WWOX: variants seen among roughly 807,000 people sequenced by gnomAD.
WWOX encodes the protein WW domain containing oxidoreductase.
WWOX carries 69 observed loss-of-function variants against 46.2 expected under a neutral mutation model. The ratio of observed to expected loss-of-function variants is 1.49; its 90% CI spans 1.23 to 1.82. WWOX has a LOEUF of 1.82. WWOX is among the 40% of genes most tolerant of loss of function. The probability of loss-of-function intolerance (pLI) is 0.00; values close to 1 mark genes in which losing one functional copy is unlikely to be tolerated. For synonymous variants in WWOX, 359 were observed against 202.6 expected, an observed-to-expected ratio of 1.77 and a Z score of -6.56; for missense variants, 919 against 542.6, an observed-to-expected ratio of 1.69 and a Z score of -6.89.
intron 5 of WWOX, among the ~76,000 whole-genome samples, chr16:78,263,467 A>G (rs114138394): frequency 0.03 from 4,505 of 152,258 alleles, 81 homozygotes; most frequent in African/African-American, 0.051. Flanking sequence ...AGAAGGGGAT[A>G]TAAGTGCAGG....
chr16:78,335,263 T>C (rs2080862074), intron 5 of WWOX, among the ~76,000 whole-genome samples: 3 of 152,220 alleles, frequency 2.0e-5, no homozygotes, highest in African/African-American at 7.2e-5. Context: ...CCATTAGCTG[T>C]TGTTGCTGAT....
chr16:78,424,273 A>G (rs2083025053), intron 6 of WWOX, among the ~76,000 whole-genome samples: 3 of 150,792 alleles, frequency 2.0e-5, no homozygotes, highest in Admixed American at 6.6e-5. Flanking sequence ...ATATACCACC[A>G]CACCTGGCTA....
chr16:78,780,688 G>C (rs1450326086), intron 8 of WWOX, among the ~76,000 whole-genome samples: 1 of 152,162 alleles, frequency 6.6e-6, no homozygotes, highest in Non-Finnish European at 1.5e-5. Context: ...GGGGAGAACA[G>C]TCTAGGCAAG....
At chr16:78,974,265 C>T (rs538816926) in intron 8 of WWOX, among the ~76,000 whole-genome samples, 7 of 152,256 alleles carry the variant, frequency 4.6e-5, no homozygotes, top group South Asian at 2.1e-4. Context: ...CTCTAATGAC[C>T]GCACAGCACA....
At chr16:78,358,459 A>G (rs2081341877) in intron 5 of WWOX, among the ~76,000 whole-genome samples, 1 of 152,154 alleles carries the variant, frequency 6.6e-6, no homozygotes, top group Admixed American at 6.5e-5. Context: ...GGAGTTTGAG[A>G]CCAGCCTGGC....
At chr16:78,710,711 C>G (rs1232827046) in intron 8 of WWOX, among the ~76,000 whole-genome samples, 1 of 151,050 alleles carries the variant, frequency 6.6e-6, no homozygotes, top group African/African-American at 2.4e-5. Context: ...ACCTCCTGGG[C>G]TCAACTGATT....
At chr16:78,721,772 A>T (rs544708448) in intron 8 of WWOX, among the ~76,000 whole-genome samples, 4 of 152,222 alleles carry the variant, frequency 2.6e-5, no homozygotes, top group Non-Finnish European at 5.9e-5. Context: ...AGGGCCAGGT[A>T]CATAGCAGGT....
intron 8 of WWOX, among the ~76,000 whole-genome samples, chr16:78,666,255 C>T (rs1597415727): frequency 6.6e-6 from 1 of 152,056 alleles, no homozygotes; most frequent in African/African-American, 2.4e-5. Flanking sequence ...TGCCACTGCA[C>T]TCTAGCCTGG....
intron 5 of WWOX, among the ~76,000 whole-genome samples, chr16:78,362,514 C>G (rs937042690): frequency 6.6e-6 from 1 of 152,042 alleles, no homozygotes; most frequent in Non-Finnish European, 1.5e-5. Flanking sequence ...GAGGCTGAGG[C>G]AGCAGAATTG....
intron 8 of WWOX, among the ~76,000 whole-genome samples, chr16:78,752,957 C>A (rs1597549821): frequency 6.6e-6 from 1 of 152,164 alleles, no homozygotes; most frequent in Non-Finnish European, 1.5e-5. Context: ...TAATTCTAGG[C>A]CGTTTGTCTG....
chr16:78,850,937 C>G (rs1050976549), intron 8 of WWOX, among the ~76,000 whole-genome samples: 1 of 152,198 alleles, frequency 6.6e-6, no homozygotes, highest in Non-Finnish European at 1.5e-5. Context: ...ATCGGGATGG[C>G]AGTCGGGAGT....
At chr16:78,246,619 G>A (rs1597397091) in intron 5 of WWOX, among the ~76,000 whole-genome samples, 1 of 152,164 alleles carries the variant, frequency 6.6e-6, no homozygotes, top group South Asian at 2.1e-4. Context: ...CAGAGTCAGG[G>A]AACAAGATGA....
chr16:79,167,237 C>T lies in WWOX; in HGVS notation c.1057-44371C>T, dbSNP rs780631341. Among the ~76,000 whole-genome samples the T allele has an allele frequency of 2.9e-4, 44 of 152,132 alleles. 1 individual carries two copies. Among genetic ancestry groups the T allele is most frequent in the African/African-American group, 2.4e-4 (10 of 41,436 alleles). ...GATAACAGGCATGAACCACCATGCC[C>T]GGCCATCAGAAATATTTTATTTCAC... is the stretch of plus-strand genomic sequence containing the variant. On this transcript the variant is annotated intron_variant, in intron 8 of 8. Transcript: ENST00000566780.
At chr16:79,074,317 A>G (rs891537992) in intron 8 of WWOX, among the ~76,000 whole-genome samples, 1 of 145,402 alleles carries the variant, frequency 6.9e-6, no homozygotes, top group African/African-American at 2.5e-5. Context: ...CCCATTTCCC[A>G]CACTTTAAAT....
intron 5 of WWOX, among the ~76,000 whole-genome samples, chr16:78,329,700 T>TG: frequency 6.6e-6 from 1 of 152,150 alleles, no homozygotes; most frequent in East Asian, 1.9e-4. Context: ...AACATATACA[T>TG]GGGGAGGTCT....
At chr16:78,725,802 T>C (rs941459441) in intron 8 of WWOX, among the ~76,000 whole-genome samples, 1 of 152,082 alleles carries the variant, frequency 6.6e-6, no homozygotes, top group Non-Finnish European at 1.5e-5. Flanking sequence ...TGTCTTAGCT[T>C]TTGGCATTGC....
At chr16:78,955,096 G>A (rs1209948154) in intron 8 of WWOX, among the ~76,000 whole-genome samples, 1 of 152,166 alleles carries the variant, frequency 6.6e-6, no homozygotes, top group African/African-American at 2.4e-5. Flanking sequence ...ACTCCGCAGA[G>A]AGAAAGTGAC....
intron 8 of WWOX, among the ~76,000 whole-genome samples, chr16:78,853,521 T>C (rs112912528): frequency 3.3e-5 from 5 of 152,202 alleles, no homozygotes; most frequent in African/African-American, 1.2e-4. Context: ...CATAACCCGG[T>C]GTGCTAAAAC....
At chr16:78,182,006 TGCTAAC>T (rs1257401992) in intron 5 of WWOX, among the ~76,000 whole-genome samples, 1 of 152,146 alleles carries the variant, frequency 6.6e-6, no homozygotes, top group African/African-American at 2.4e-5. Flanking sequence ...TGCAAAAACT[TGCTAAC>T]GTCATCAGTC....
Sources: allele counts gnomAD v4.1 joint callset (sites outside exome capture counted in the v4.1 genomes callset), GRCh38; gene constraint gnomAD v4.1.1; transcripts MANE v1.5; gene names NCBI Gene and HGNC (gene_info 2026-07-23, HGNC 2026-07-21).